Variants in MECOM observed in about 807,000 individuals in gnomAD.
The protein encoded by MECOM is MDS1 and EVI1 complex locus.
MECOM carries 13 observed loss-of-function variants against 116.3 expected under a neutral mutation model. That is an observed-to-expected ratio of 0.11 (90% CI 0.07 to 0.18). The LOEUF (loss-of-function observed/expected upper bound fraction) is 0.18. MECOM is among the 10% of genes least tolerant of loss of function. The pLI, the probability that MECOM is intolerant of heterozygous loss-of-function variation, is 1.00. For synonymous variants in MECOM, 528 were observed against 535.2 expected (o/e 0.99, Z 0.19); for missense variants, 1,299 against 1,509.0 (o/e 0.86, Z 2.31).
rs1048601 is a variant in MECOM at position 169,084,321 on chromosome 3, G to A, written c.*588C>T. The A allele has an allele frequency of 5.2e-3, 1,212 of 230,876 alleles. 10 individuals carry two copies. The highest frequency in any genetic ancestry group is 0.019 in the African/African-American group (879 of 45,252). The allele number at this position is 230,876 out of a possible 1,614,324, so 14.3% of individuals were successfully genotyped here. A position where few individuals can be genotyped will look rare whatever the true frequency, so the allele number is the denominator to read the frequency against. On this transcript the variant is annotated 3_prime_UTR_variant, in exon 17 of 17. Transcript: ENST00000651503. ...AATATACACATACCCTTTTTCCCTA[G>A]TTTTAAACAATGTACTTAAGAAGGC...
intron 10 of MECOM, among the ~76,000 whole-genome samples, chr3:169,102,842 A>G (rs1254836246): frequency 1.3e-5 from 2 of 152,070 alleles, no homozygotes; most frequent in Non-Finnish European, 2.9e-5. Flanking sequence ...TTGATTAAAT[A>G]TTAATTTTAT....
At chr3:169,633,061 G>C (rs1420174928) in intron 1 of MECOM, among the ~76,000 whole-genome samples, 1 of 152,052 alleles carries the variant, frequency 6.6e-6, no homozygotes, top group South Asian at 2.1e-4. Flanking sequence ...CCTGGGGACT[G>C]AGAATACATT....
chr3:169,612,944 A>G (rs555852118), intron 1 of MECOM, among the ~76,000 whole-genome samples: 1 of 152,356 alleles, frequency 6.6e-6, no homozygotes, highest in African/African-American at 2.4e-5. Flanking sequence ...GTAAGAGAAG[A>G]GAAGTTAAAT....
chr3:169,173,748 T>C (rs1266224111), intron 2 of MECOM, among the ~76,000 whole-genome samples: 1 of 152,190 alleles, frequency 6.6e-6, no homozygotes, highest in Non-Finnish European at 1.5e-5. Context: ...CTTTATCTTG[T>C]GTAAAAATCA....
At chr3:169,144,174 A>G (rs1297340249) in intron 2 of MECOM, among the ~76,000 whole-genome samples, 1 of 152,176 alleles carries the variant, frequency 6.6e-6, no homozygotes, top group Non-Finnish European at 1.5e-5. Flanking sequence ...ATATTTCTAA[A>G]CATTACAGTC....
At chr3:169,302,504 T>C (rs971964121) in intron 2 of MECOM, among the ~76,000 whole-genome samples, 7 of 152,170 alleles carry the variant, frequency 4.6e-5, no homozygotes, top group African/African-American at 1.7e-4. Context: ...TTAATATTGA[T>C]TGAAAGAATG....
intron 2 of MECOM, among the ~76,000 whole-genome samples, chr3:169,281,036 T>G (rs1351876626): frequency 2.0e-5 from 3 of 152,214 alleles, no homozygotes; most frequent in Non-Finnish European, 2.9e-5. Context: ...CTAAACACAT[T>G]GCACAAAGCT....
In MECOM at chr3:169,127,704, T is replaced by C. The variant is rs1733337854; in HGVS notation, c.830+140A>G. 6 of 659,978 alleles carry C rather than the reference T, an allele frequency of 9.1e-6. No homozygotes were observed. The Admixed American group carries it at 1.3e-4, about 14-fold the overall frequency. 40.9% of individuals were successfully genotyped at this position (659,978 alleles called of 1,614,324 possible). ...TTACAGATGAGAATATCCAGGCAAATATGATTTCTGAACATGTCACGAGTG... is the reference window on the plus strand; with the variant it reads ...TTACAGATGAGAATATCCAGGCAAACATGATTTCTGAACATGTCACGAGTG... On this transcript the variant is annotated intron_variant, in intron 5 of 16. Transcript: ENST00000651503.
chr3:169,378,007 T>C (rs1047948525), intron 2 of MECOM, among the ~76,000 whole-genome samples: 16 of 151,884 alleles, frequency 1.1e-4, no homozygotes, highest in Admixed American at 2.0e-4. Flanking sequence ...AAAGAATGAG[T>C]TCATGTCCTT....
intron 1 of MECOM, among the ~76,000 whole-genome samples, chr3:169,396,734 G>T (rs1282385371): frequency 6.6e-6 from 1 of 152,152 alleles, no homozygotes; most frequent in Non-Finnish European, 1.5e-5. Flanking sequence ...ACTTTGGGAG[G>T]CCCAGGTGGG....
intron 11 of MECOM, 39 bp from the exon 12 acceptor site, chr3:169,101,001 G>T: frequency 6.7e-7 from 1 of 1,491,806 alleles, no homozygotes; most frequent in Non-Finnish European, 9.3e-7. Context: ...AGTCAGCACA[G>T]TTGACTATAT....
Position 169,098,094 on chromosome 3 carries a change from G to A in MECOM, c.2849+2791C>T, listed in dbSNP as rs191361235. Among the ~76,000 whole-genome samples, 895 of 152,050 alleles carry A rather than the reference G, an allele frequency of 5.9e-3. 5 individuals are homozygous for A. Among genetic ancestry groups the A allele is most frequent in the Non-Finnish European group, 9.7e-3 (660 of 67,982 alleles). Reference sequence around the variant, plus strand: ...AAGACTTGCAAAGATAGTACAAAGGGTTCCCATATACCCTTCACCTCAGTT... The same window carrying A: ...AAGACTTGCAAAGATAGTACAAAGGATTCCCATATACCCTTCACCTCAGTT... On this transcript the variant is annotated intron_variant, in intron 12 of 16. Transcript: ENST00000651503.
At chr3:169,433,664 A>T (rs531315191) in intron 1 of MECOM, among the ~76,000 whole-genome samples, 25 of 139,556 alleles carry the variant, frequency 1.8e-4, no homozygotes, top group Non-Finnish European at 2.8e-4. Flanking sequence ...AAAGAAAGAA[A>T]GAAAGAAAGA....
chr3:169,200,967 A>T (rs1335206569), intron 2 of MECOM, among the ~76,000 whole-genome samples: 2 of 152,026 alleles, frequency 1.3e-5, no homozygotes, highest in Admixed American at 6.6e-5. Flanking sequence ...TCCCCTATCT[A>T]ACCTTATAAC....
intron 2 of MECOM, among the ~76,000 whole-genome samples, chr3:169,173,373 C>CA (rs1328187568): frequency 1.3e-5 from 2 of 152,106 alleles, no homozygotes; most frequent in Non-Finnish European, 2.9e-5. Context: ...CAACAACTCT[C>CA]AAAGCTTTAA....
chr3:169,314,146 A>C (rs988457633), intron 2 of MECOM, among the ~76,000 whole-genome samples: 6 of 152,216 alleles, frequency 3.9e-5, no homozygotes, highest in Admixed American at 2.0e-4. Context: ...TCTTCTTCAC[A>C]AGGTCAGCTC....
intron 1 of MECOM, among the ~76,000 whole-genome samples, chr3:169,441,592 C>T (rs10513668): frequency 0.043 from 6,492 of 152,102 alleles, 356 homozygotes; most frequent in African/African-American, 0.13. Context: ...CATGGTATTA[C>T]GTGCATGTAG....
intron 1 of MECOM, among the ~76,000 whole-genome samples, chr3:169,521,781 C>T (rs576006533): frequency 2.0e-5 from 3 of 152,308 alleles, no homozygotes; most frequent in South Asian, 2.1e-4. Flanking sequence ...TTAATGCAGT[C>T]GGCTATTCAT....
chr3:169,200,860 G>T (rs1749054279), intron 2 of MECOM, among the ~76,000 whole-genome samples: 1 of 152,034 alleles, frequency 6.6e-6, no homozygotes, highest in Non-Finnish European at 1.5e-5. Flanking sequence ...TGCCAGGCTT[G>T]TTGCTGACCA....
Sources: allele counts gnomAD v4.1 joint callset (sites outside exome capture counted in the v4.1 genomes callset), GRCh38; gene constraint gnomAD v4.1.1; transcripts MANE v1.5; gene names NCBI Gene and HGNC (gene_info 2026-07-23, HGNC 2026-07-21).